DSCAM: variants seen among roughly 807,000 people sequenced by gnomAD.
DSCAM encodes the protein cell adhesion molecule DSCAM.
DSCAM carries 47 observed loss-of-function variants against 217.7 expected under a neutral mutation model. That is an observed-to-expected ratio of 0.22 (90% CI 0.17 to 0.28). DSCAM has a LOEUF of 0.28. Among genes scored for constraint, DSCAM ranks in the 10% least tolerant of loss-of-function variants. The probability of loss-of-function intolerance (pLI) is 1.00; values close to 1 mark genes in which losing one functional copy is unlikely to be tolerated. For synonymous variants in DSCAM, 1,056 were observed against 1,015.3 expected, an observed-to-expected ratio of 1.04 and a Z score of -0.76; for missense variants, 2,080 against 2,618.3, an observed-to-expected ratio of 0.79 and a Z score of 4.49.
chr21:40,078,870 T>G lies in DSCAM; in HGVS notation c.4528A>C (p.Thr1510Pro). The change falls in exon 26 of 33, where the codon ACA (threonine) becomes CCA (proline). Residue 1510 changes from threonine to proline, a missense_variant. Coordinates refer to ENST00000400454, the MANE Select transcript of DSCAM (RefSeq NM_001389.5). ...NDGGCPITSF[T>P]LEYRPFGTTV... Reference sequence around the variant, plus strand: ...GTCCCAAAGGGCCTGTACTCTAGTGTGAAGGAGGTGATGGGGCAGCCGCCA... The same window carrying G: ...GTCCCAAAGGGCCTGTACTCTAGTGGGAAGGAGGTGATGGGGCAGCCGCCA... 2 of 1,614,160 alleles carry G rather than the reference T, an allele frequency of 1.2e-6. No individual in the cohort carries two copies. The highest frequency in any genetic ancestry group is 2.2e-5 in the South Asian group (2 of 91,080).
chr21:40,668,419 G>T (rs1412542719), intron 3 of DSCAM, among the ~76,000 whole-genome samples: 1 of 152,186 alleles, frequency 6.6e-6, no homozygotes, highest in African/African-American at 2.4e-5. Flanking sequence ...GAATGCTGGA[G>T]CCCAAGCCCA....
At chr21:40,340,797 G>A (rs2074482965) in intron 6 of DSCAM, among the ~76,000 whole-genome samples, 1 of 152,158 alleles carries the variant, frequency 6.6e-6, no homozygotes. Context: ...AAGGAGGCAA[G>A]CAAAATTAGG....
intron 1 of DSCAM, among the ~76,000 whole-genome samples, chr21:40,787,391 C>T (rs921591059): frequency 2.0e-5 from 3 of 152,210 alleles, no homozygotes; most frequent in Non-Finnish European, 4.4e-5. Context: ...AATCTCTTCT[C>T]ATTGTCACTA....
At chr21:40,451,047 T>A (rs549340807) in intron 3 of DSCAM, among the ~76,000 whole-genome samples, 1 of 152,318 alleles carries the variant, frequency 6.6e-6, no homozygotes, top group Admixed American at 6.5e-5. Context: ...GGCCTACAAA[T>A]AAGCATGCAC....
chr21:40,558,792 C>T (rs1428869441), intron 3 of DSCAM, among the ~76,000 whole-genome samples: 2 of 152,158 alleles, frequency 1.3e-5, no homozygotes, highest in Non-Finnish European at 2.9e-5. Context: ...AAACCATCCT[C>T]GTTATTTTTA....
chr21:40,655,516 C>T (rs1017657959), intron 3 of DSCAM, among the ~76,000 whole-genome samples: 5 of 151,358 alleles, frequency 3.3e-5, no homozygotes, highest in African/African-American at 7.3e-5. Flanking sequence ...AATCACGGCT[C>T]ATTACAGCCT....
Position 40,124,055 on chromosome 21 carries a change from G to A in DSCAM, c.3696+140C>T, listed in dbSNP as rs550021258. The A allele has an allele frequency of 1.2e-5, 14 of 1,123,728 alleles. 1 individual carries two copies. Among genetic ancestry groups the A allele is most frequent in the African/African-American group, 1.2e-4 (8 of 64,504 alleles). The allele number at this position is 1,123,728 out of a possible 1,614,324, so 69.6% of individuals were successfully genotyped here. On this transcript the variant is annotated intron_variant, in intron 20 of 32. Coordinates refer to ENST00000400454, the MANE Select transcript of DSCAM (RefSeq NM_001389.5). ...TGTAAATGAGGACTTTGTTTTGTAT[G>A]TGGAGACAGCAGGGGCAAAACAAAA...
At chr21:40,140,758 T>G (rs1479652163) in intron 18 of DSCAM, among the ~76,000 whole-genome samples, 2 of 152,216 alleles carry the variant, frequency 1.3e-5, no homozygotes, top group Non-Finnish European at 2.9e-5. Flanking sequence ...TCTACTTAAA[T>G]CTGCCCTTCT....
At chr21:40,444,066 T>C (rs2075654651) in intron 3 of DSCAM, among the ~76,000 whole-genome samples, 1 of 152,204 alleles carries the variant, frequency 6.6e-6, no homozygotes, top group African/African-American at 2.4e-5. Context: ...GCTTTTACTT[T>C]TCTTTCCCTC....
intron 3 of DSCAM, among the ~76,000 whole-genome samples, chr21:40,460,995 T>C (rs946435396): frequency 6.6e-6 from 1 of 152,200 alleles, no homozygotes; most frequent in African/African-American, 2.4e-5. Flanking sequence ...GCTTATTGAT[T>C]TATACGACTA....
intron 3 of DSCAM, among the ~76,000 whole-genome samples, chr21:40,443,935 A>T (rs184883688): frequency 2.6e-5 from 4 of 152,326 alleles, no homozygotes; most frequent in East Asian, 3.9e-4. Flanking sequence ...TGAACTTAGT[A>T]TTTTCACCAA....
intron 11 of DSCAM, among the ~76,000 whole-genome samples, chr21:40,247,362 AG>A (rs1186476612): frequency 6.6e-6 from 1 of 152,220 alleles, no homozygotes; most frequent in Non-Finnish European, 1.5e-5. Context: ...AGACAAGGCA[AG>A]TCCCTTCTGC....
intron 11 of DSCAM, among the ~76,000 whole-genome samples, chr21:40,192,546 G>A (rs1357902580): frequency 1.3e-5 from 2 of 152,284 alleles, no homozygotes; most frequent in African/African-American, 4.8e-5. Flanking sequence ...ATAGGACTGT[G>A]ACTCAGTTAA....
intron 1 of DSCAM, among the ~76,000 whole-genome samples, chr21:40,739,131 GTCTTA>G (rs1252757354): frequency 6.6e-6 from 1 of 152,178 alleles, no homozygotes; most frequent in Non-Finnish European, 1.5e-5. Context: ...GAGGATTATA[GTCTTA>G]TCTTGTCACC....
At chr21:40,022,870 TTTTC>T (rs935169306) in intron 32 of DSCAM, among the ~76,000 whole-genome samples, 3 of 152,192 alleles carry the variant, frequency 2.0e-5, no homozygotes, top group Admixed American at 6.5e-5. Flanking sequence ...CAGTATTTTC[TTTTC>T]TTTTTTTCTT....
chr21:40,074,953 G>A (rs1006167724), intron 27 of DSCAM, 84 bp downstream of exon 27: 37 of 1,434,830 alleles, frequency 2.6e-5, no homozygotes, highest in Non-Finnish European at 3.5e-5. Flanking sequence ...TCCCTTTTGA[G>A]GTTTGTTCTC....
intron 2 of DSCAM, among the ~76,000 whole-genome samples, chr21:40,694,812 A>G (rs2090578188): frequency 2.0e-5 from 3 of 151,774 alleles, no homozygotes; most frequent in Admixed American, 6.5e-5. Flanking sequence ...AGGCTCCTGC[A>G]TAAGTAAACC....
intron 16 of DSCAM, among the ~76,000 whole-genome samples, chr21:40,156,853 G>A (rs183556694): frequency 1.2e-4 from 19 of 152,308 alleles, no homozygotes; most frequent in Admixed American, 1.0e-3. Context: ...CTGCCCCAAA[G>A]ATCTGTGGAT....
intron 3 of DSCAM, chr21:40,385,186 C>T (rs367742237): frequency 1.6e-4 from 25 of 152,242 alleles, no homozygotes; most frequent in African/African-American, 5.8e-4. Flanking sequence ...AAGTATTTTA[C>T]TATTTCTCAT....
Sources: gnomAD v4.1 joint callset for allele counts (sites outside exome capture counted in the v4.1 genomes callset) on GRCh38, gnomAD v4.1.1 for gene constraint, MANE v1.5 for transcripts, NCBI Gene and HGNC (gene_info 2026-07-23, HGNC 2026-07-21) for gene names.